The following PHLDB3 variants were observed in gnomAD, a reference collection of about 807,000 sequenced individuals.
PHLDB3 encodes the protein pleckstrin homology like domain family B member 3.
Under a neutral mutation model 85.7 loss-of-function variants are expected in PHLDB3, and 86 were observed. The ratio of observed to expected loss-of-function variants is 1.00; its 90% CI spans 0.84 to 1.20. The LOEUF is 1.20. PHLDB3 is among the 50% of genes most tolerant of loss of function. The probability of loss-of-function intolerance (pLI) is 0.00; values close to 1 mark genes in which losing one functional copy is unlikely to be tolerated. For missense variants in PHLDB3, 995 were observed against 873.0 expected, an observed-to-expected ratio of 1.14 and a Z score of -1.76; for synonymous variants, 376 against 349.8, an observed-to-expected ratio of 1.07 and a Z score of -0.83.
chr19:43,480,115 A>T (rs568609711), intron 13 of PHLDB3, among the ~76,000 whole-genome samples: 28 of 151,204 alleles, frequency 1.9e-4, no homozygotes, highest in South Asian at 4.2e-4. Context: ...AAAAAAAAAA[A>T]TTTTTTTTGG....
chr19:43,482,890 C>T (rs773386983), intron 13 of PHLDB3, among the ~76,000 whole-genome samples: 24 of 152,150 alleles, frequency 1.6e-4, no homozygotes, highest in Non-Finnish European at 3.1e-4. Flanking sequence ...CAGAAGACCC[C>T]ACTGCCGTTC....
rs201575122 is a variant in PHLDB3 at position 43,501,835 on chromosome 19, C to G, written c.433G>C (p.Ala145Pro). ...VEVALLRGELAGERVAARREE... is the reference protein window; with the variant it reads ...VEVALLRGELPGERVAARREE... ...CGGCGAGCGGCCACTCGCTCCCCAG[C>G]CAGCTCACCCCGCAGCAAGGCCACC... Residue 145 changes from alanine to proline, a missense_variant, in exon 4 of 16, where the codon GCT becomes CCT. Coordinates refer to ENST00000292140, the MANE Select transcript of PHLDB3 (RefSeq NM_198850.4). 5 of 1,591,424 alleles carry G rather than the reference C, an allele frequency of 3.1e-6. No individual in the cohort carries two copies. Among genetic ancestry groups the G allele is most frequent in the Non-Finnish European group, 4.3e-6 (5 of 1,169,636 alleles).
At chr19:43,486,508 A>G in intron 12 of PHLDB3, 101 bp downstream of exon 12, 1 of 1,409,398 alleles carries the variant, frequency 7.1e-7, no homozygotes. Context: ...GGGGGCCTGG[A>G]CCCCTGGGTC....
rs373435584 is a variant in PHLDB3 at position 43,475,436 on chromosome 19, C to A, written c.1897G>T (p.Ala633Ser). The A allele has an allele frequency of 1.2e-6, 2 of 1,613,942 alleles. No homozygotes were observed. The highest frequency in any genetic ancestry group is 1.7e-6 in the Non-Finnish European group (2 of 1,179,840). ...MRIWMDVIVT[A>S]ADENHAP Reference sequence around the variant, plus strand: ...CAGGGGGCGTGGTTTTCGTCAGCGGCGGTCACGATGACGTCCATCCAAATG... The same window carrying A: ...CAGGGGGCGTGGTTTTCGTCAGCGGAGGTCACGATGACGTCCATCCAAATG... Residue 633 changes from alanine (A) to serine (S), a missense_variant, in exon 16 of 16, where the codon GCC (alanine) becomes TCC (serine). Physicochemically the swap from Ala to Ser is moderately conservative, Grantham distance 99. Transcript: ENST00000292140.
intron 6 of PHLDB3, 161 bp from the exon 7 acceptor site, chr19:43,495,781 C>G (rs1335335289): frequency 6.0e-6 from 6 of 999,070 alleles, no homozygotes; most frequent in Admixed American, 3.0e-5. Flanking sequence ...CTCCCTGGAC[C>G]CTCTTCCCTT....
chr19:43,486,919 G>C, intron 10 of PHLDB3, 49 bp from the exon 11 acceptor site: 1 of 1,488,944 alleles, frequency 6.7e-7, no homozygotes, highest in Non-Finnish European at 9.0e-7. Flanking sequence ...CCTGGCCTGA[G>C]CCTATCCACT....
chr19:43,497,934 C>T, intron 4 of PHLDB3, 58 bp from the exon 5 acceptor site: 1 of 1,549,216 alleles, frequency 6.5e-7, no homozygotes, highest in Admixed American at 2.0e-5. Flanking sequence ...AAGCAGCAGC[C>T]AGCCATATCT....
chr19:43,486,731 G>A (rs1971170867), intron 11 of PHLDB3, 35 bp from the exon 12 acceptor site: 1 of 1,613,062 alleles, frequency 6.2e-7, no homozygotes, highest in Admixed American at 1.7e-5. Context: ...GTGGGTTACA[G>A]TGGCTGGGCC....
Position 43,475,367 on chromosome 19 carries a change from G to T in PHLDB3, c.*43C>A, listed in dbSNP as rs753183949. The T allele has an allele frequency of 1.3e-6, 2 of 1,593,204 alleles. No individual in the cohort carries two copies. The highest frequency in any genetic ancestry group is 1.7e-6 in the Non-Finnish European group (2 of 1,166,088). The stretch of plus-strand genomic sequence containing the variant: ...TAGGAACGCCCCCGCGCCCCGCGCC[G>T]GCGGAGCCTCGAAGGGACTTCCCCC... On this transcript the variant is annotated 3_prime_UTR_variant, in exon 16 of 16. Transcript: ENST00000292140.
rs768578135 is a variant in PHLDB3, at chr19:43,504,053, C to A, written c.66G>T (p.Glu22Asp). The change falls in exon 2 of 16, where the codon GAG (glutamate) becomes GAT (aspartate). Residue 22 changes from glutamate (E) to aspartate (D), a missense_variant. By Grantham distance (45) the Glu-to-Asp change is conservative. Coordinates refer to ENST00000292140, the MANE Select transcript of PHLDB3 (RefSeq NM_198850.4). ...PPPLVPECDV[E>D]VQPQGHPEES... is the part of the protein sequence containing the mutation. ...CCTCGGGATGGCCCTGGGGCTGGAC[C>A]TCCACGTCGCATTCCGGGACCAGCG... 3.1e-6 allele frequency: 5 copies of A among 1,613,632 alleles called. No individual in the cohort carries two copies. Among genetic ancestry groups the A allele is most frequent in the Non-Finnish European group, 4.2e-6 (5 of 1,179,762 alleles).
rs1181746140 is a variant in PHLDB3 at position 43,486,330 on chromosome 19, T to C, written c.1429-8A>G. 3.7e-6 allele frequency: 6 copies of C among 1,603,192 alleles called. No individual in the cohort carries two copies. The highest frequency in any genetic ancestry group is 1.7e-5 in the Admixed American group (1 of 58,094). ...GCCCCTTCTTGTTCCTTCCTGTGGA[T>C]TCAGGATGAAGCACTCAATGAGGAT... On this transcript the variant is annotated splice_region_variant and splice_polypyrimidine_tract_variant and intron_variant, in intron 12 of 15. Coordinates refer to ENST00000292140, the MANE Select transcript of PHLDB3 (RefSeq NM_198850.4).
chr19:43,483,091 A>G (rs569389178), intron 13 of PHLDB3, among the ~76,000 whole-genome samples: 1 of 152,280 alleles, frequency 6.6e-6, no homozygotes, highest in East Asian at 1.9e-4. Context: ...GGCTGAAATG[A>G]ATAAGGGAAG....
rs1213277335 is a variant in PHLDB3, at chr19:43,475,400, G to T, written c.*10C>A. ...CTCGAAGGGACTTCCCCCCAAGAGG[G>T]CGGGGCCACTCAGGGGGCGTGGTTT... On this transcript the variant is annotated 3_prime_UTR_variant, in exon 16 of 16. Transcript: ENST00000292140. 6.2e-7 allele frequency: 1 copy of T among 1,613,616 alleles called. No homozygotes were observed. Among genetic ancestry groups the T allele is most frequent in the Non-Finnish European group, 8.5e-7 (1 of 1,179,634 alleles).
At chr19:43,499,007 C>T (rs1971529461) in intron 4 of PHLDB3, among the ~76,000 whole-genome samples, 1 of 151,926 alleles carries the variant, frequency 6.6e-6, no homozygotes, top group Admixed American at 6.6e-5. Flanking sequence ...ATATGGGGAG[C>T]CTCAGAAGGA....
Position 43,497,191 on chromosome 19 carries a change from T to TCG in PHLDB3, c.751_752insCG (p.Asp251AlafsTer55), listed in dbSNP as rs746275869. On this transcript the variant is annotated frameshift_variant, in exon 6 of 16. Coordinates refer to ENST00000292140, the MANE Select transcript of PHLDB3 (RefSeq NM_198850.4). LOFTEE classifies it high-confidence loss of function. Reference sequence around the variant, plus strand: ...CACCTGGGGCCCAGGGCTGTCCCGATCCTCCTCCTCCTGCCGGCTCTCCCG... The same window carrying TCG: ...CACCTGGGGCCCAGGGCTGTCCCGATCGCCTCCTCCTCCTGCCGGCTCTCCCG... 142 of 1,561,710 alleles carry TCG rather than the reference T, an allele frequency of 9.1e-5. No homozygotes were observed. The Middle Eastern group carries it at 1.0e-3, about 11-fold the overall frequency.
chr19:43,489,236 G>A (rs569264602), intron 9 of PHLDB3, among the ~76,000 whole-genome samples: 16 of 152,206 alleles, frequency 1.1e-4, no homozygotes, highest in East Asian at 1.9e-4. Context: ...GTGTGGTAGC[G>A]TGCACCTGTA....
rs759716458 is a variant in PHLDB3 at position 43,501,719 on chromosome 19, G to T, written c.534+15C>A. On this transcript the variant is annotated intron_variant, in intron 4 of 15. Transcript: ENST00000292140. ...GAAGGACACTGCTGATGAAGACCCGGTGAGCCAAACAGACCTGTTCCCGCT... is the reference window on the plus strand; with the variant it reads ...GAAGGACACTGCTGATGAAGACCCGTTGAGCCAAACAGACCTGTTCCCGCT... 6.3e-7 allele frequency: 1 copy of T among 1,576,766 alleles called. No individual in the cohort carries two copies. The highest frequency in any genetic ancestry group is 2.3e-5 in the East Asian group (1 of 43,548).
rs566223582 is a variant in PHLDB3 at position 43,486,096 on chromosome 19, C to T, written c.1485+170G>A. ...GCCACACATGGAGATGACCATCATC[C>T]GGTCATGGGAACAGGAACTGGTCCT... On this transcript the variant is annotated intron_variant, in intron 13 of 15. Coordinates refer to ENST00000292140, the MANE Select transcript of PHLDB3 (RefSeq NM_198850.4). 5.1e-5 allele frequency: 50 copies of T among 985,320 alleles called. No homozygotes were observed. In the South Asian group the frequency reaches 1.2e-3, roughly 24 times the overall value. 61.0% of individuals were successfully genotyped at this position (985,320 alleles called of 1,614,324 possible).
At chr19:43,489,199 T>C (rs1456511661) in intron 9 of PHLDB3, among the ~76,000 whole-genome samples, 1 of 151,778 alleles carries the variant, frequency 6.6e-6, no homozygotes, top group Non-Finnish European at 1.5e-5. Context: ...AAACAGAACA[T>C]AATATCCAAG....
Sources: gnomAD v4.1 joint callset for allele counts (sites outside exome capture counted in the v4.1 genomes callset) on GRCh38, gnomAD v4.1.1 for gene constraint, MANE v1.5 for transcripts, NCBI Gene and HGNC (gene_info 2026-07-23, HGNC 2026-07-21) for gene names.